Variants in NOTCH2 observed in about 807,000 individuals in gnomAD.
The protein encoded by NOTCH2 is notch receptor 2.
Under a neutral mutation model 235.8 loss-of-function variants are expected in NOTCH2, and 29 were observed. The ratio of observed to expected loss-of-function variants is 0.12; its 90% confidence interval spans 0.09 to 0.17. The LOEUF (loss-of-function observed/expected upper bound fraction) is 0.17. NOTCH2 is among the 10% of genes least tolerant of loss of function. The pLI, the probability that NOTCH2 is intolerant of heterozygous loss-of-function variation, is 1.00. For missense variants in NOTCH2, 2,285 were observed against 3,150.2 expected (o/e 0.73, Z 6.57); for synonymous variants, 1,086 against 1,141.5 (o/e 0.95, Z 0.98).
rs776157650 is a variant in NOTCH2 at position 119,934,999 on chromosome 1, T to G, written c.3655+473A>C. On this transcript the variant is annotated intron_variant, in intron 22 of 33. Transcript: ENST00000256646. ...CTTACTGCATCCTAAGGTAGAACCT[T>G]ACACCATCAGTATCCTCCCCTGAAG... 20 of 664,460 alleles carry G rather than the reference T, an allele frequency of 3.0e-5. No individual in the cohort carries two copies. The African/African-American group carries it at 3.7e-4, about 12-fold the overall frequency. The allele number at this position is 664,460 out of a possible 1,614,324, so 41.2% of individuals were successfully genotyped here.
chr1:119,964,302 TA>T (rs1557824438), intron 10 of NOTCH2, among the ~76,000 whole-genome samples: 1 of 152,184 alleles, frequency 6.6e-6, no homozygotes, highest in Admixed American at 6.6e-5. Context: ...ACTGGTTGAA[TA>T]AAATGAATGA....
chr1:119,986,595 C>A (rs1328037895), intron 5 of NOTCH2, among the ~76,000 whole-genome samples: 1 of 152,114 alleles, frequency 6.6e-6, no homozygotes, highest in Non-Finnish European at 1.5e-5. Context: ...TTTATTTTAG[C>A]ATTTCAGGAA....
At chr1:120,069,135 G>A (rs1462197936) in intron 1 of NOTCH2, 199 bp downstream of exon 1, 6 of 1,526,370 alleles carry the variant, frequency 3.9e-6, no homozygotes, top group East Asian at 4.9e-5. Flanking sequence ...AGAGGCGGCG[G>A]GGAACCCCGG....
chr1:120,013,955 T>C (rs587716835), intron 2 of NOTCH2, among the ~76,000 whole-genome samples: 3 of 151,396 alleles, frequency 2.0e-5, no homozygotes, highest in African/African-American at 4.9e-5. Context: ...TTTTGGAAAA[T>C]AGTCTACCAC....
At chr1:119,999,412 A>G (rs1652619984) in intron 3 of NOTCH2, among the ~76,000 whole-genome samples, 1 of 146,332 alleles carries the variant, frequency 6.8e-6, no homozygotes. Flanking sequence ...AAACTATAAC[A>G]CAAATTTAGG....
intron 4 of NOTCH2, among the ~76,000 whole-genome samples, chr1:119,987,625 A>G (rs1652070283): frequency 6.6e-6 from 1 of 152,200 alleles, no homozygotes; most frequent in Admixed American, 6.6e-5. Flanking sequence ...CCTGCAAGCT[A>G]TTCGTACATG....
intron 5 of NOTCH2, among the ~76,000 whole-genome samples, chr1:119,977,200 C>T (rs1189041815): frequency 6.6e-6 from 1 of 152,010 alleles, no homozygotes; most frequent in Non-Finnish European, 1.5e-5. Context: ...TTAAGTTATC[C>T]TAATCCCAAA....
intron 12 of NOTCH2, among the ~76,000 whole-genome samples, chr1:119,956,732 T>C (rs1294922428): frequency 1.3e-5 from 2 of 152,228 alleles, no homozygotes; most frequent in Non-Finnish European, 2.9e-5. Context: ...GGTCTTTTCT[T>C]GGAAGCGTCT....
chr1:119,925,266 G>A, intron 25 of NOTCH2, 39 bp downstream of exon 25: 1 of 1,611,276 alleles, frequency 6.2e-7, no homozygotes, highest in Non-Finnish European at 8.5e-7. Context: ...GTGTGTTAGT[G>A]ACAGTCCCCT....
chr1:119,919,784 C>T (rs1313163666), intron 30 of NOTCH2, among the ~76,000 whole-genome samples, 171 bp from the exon 31 acceptor site: 4 of 152,208 alleles, frequency 2.6e-5, no homozygotes, highest in Non-Finnish European at 5.9e-5. Context: ...CTGATAGTAT[C>T]ATTTCTGTAA....
intron 5 of NOTCH2, among the ~76,000 whole-genome samples, chr1:119,985,336 C>A (rs1167823508): frequency 6.6e-6 from 1 of 152,104 alleles, no homozygotes; most frequent in Non-Finnish European, 1.5e-5. Context: ...ATGATCTCCA[C>A]CACCCTTTTT....
In NOTCH2 at chr1:119,949,696, C is replaced by T. The variant is rs188736117; in HGVS notation, c.2480-570G>A. ...CACCGTGCCTGGCCTACTATTTCTT[C>T]TAGAGGGGAAAAAGTAACAATGTGC... On this transcript the variant is annotated intron_variant, in intron 15 of 33. Transcript: ENST00000256646. 1.5e-3 allele frequency among the ~76,000 whole-genome samples: 234 copies of T among 152,060 alleles called. 2 individuals carry two copies. Among genetic ancestry groups the T allele is most frequent in the Admixed American group, 4.4e-3 (67 of 15,262 alleles).
intron 3 of NOTCH2, among the ~76,000 whole-genome samples, chr1:119,999,962 A>G (rs1421596585): frequency 3.1e-5 from 4 of 130,518 alleles, no homozygotes; most frequent in Non-Finnish European, 4.6e-5. Flanking sequence ...AAAGAAAGAA[A>G]GAAAGAAAGA....
At chr1:119,970,181 A>T (rs1651306102) in intron 5 of NOTCH2, among the ~76,000 whole-genome samples, 1 of 152,164 alleles carries the variant, frequency 6.6e-6, no homozygotes, top group African/African-American at 2.4e-5. Context: ...ACGTCAATAC[A>T]CTGGTTGTAA....
At chr1:120,000,338 A>G (rs1298100541) in intron 3 of NOTCH2, among the ~76,000 whole-genome samples, 8 of 152,224 alleles carry the variant, frequency 5.3e-5, no homozygotes, top group Non-Finnish European at 1.0e-4. Flanking sequence ...GATCCAGACC[A>G]TTGTGGCTAA....
chr1:119,999,970 A>G (rs1388889577), intron 3 of NOTCH2, among the ~76,000 whole-genome samples: 9 of 98,670 alleles, frequency 9.1e-5, no homozygotes, highest in Non-Finnish European at 1.5e-4. Flanking sequence ...AAAGAAAGAA[A>G]GAAAGAAAGG....
intron 22 of NOTCH2, among the ~76,000 whole-genome samples, chr1:119,934,427 A>G (rs1284516461): frequency 2.6e-5 from 4 of 152,228 alleles, no homozygotes; most frequent in African/African-American, 9.6e-5. Flanking sequence ...AGTTTCTCAA[A>G]GGAACAAACT....
At chr1:119,961,349 A>T (rs2101133349) in intron 11 of NOTCH2, among the ~76,000 whole-genome samples, 1 of 152,326 alleles carries the variant, frequency 6.6e-6, no homozygotes, top group East Asian at 1.9e-4. Context: ...CTTTACCCTC[A>T]AACTAAGAAG....
intron 5 of NOTCH2, among the ~76,000 whole-genome samples, chr1:119,970,233 A>C (rs2101149609): frequency 6.6e-6 from 1 of 152,138 alleles, no homozygotes; most frequent in East Asian, 1.9e-4. Context: ...CCACTGGGAG[A>C]CCCTTGATAA....
Sources: allele counts gnomAD v4.1 joint callset (sites outside exome capture counted in the v4.1 genomes callset), GRCh38; gene constraint gnomAD v4.1.1; transcripts MANE v1.5; gene names NCBI Gene and HGNC (gene_info 2026-07-23, HGNC 2026-07-21).